The following BTBD9 variants were observed in gnomAD, a reference collection of about 807,000 sequenced individuals.
BTBD9 encodes the protein BTB domain containing 9, also known as BTB/POZ domain-containing protein 9.
In BTBD9, 49 loss-of-function variants were observed where a neutral mutation model predicts 64.3. The ratio of observed to expected loss-of-function variants is 0.76; its 90% CI spans 0.61 to 0.97. The LOEUF is 0.97. Among genes scored for constraint, BTBD9 ranks in the 50% least tolerant of loss-of-function variants. The pLI is 0.00. For missense variants in BTBD9, 598 were observed against 762.1 expected, an observed-to-expected ratio of 0.78 and a Z score of 2.53; for synonymous variants, 260 against 274.7, an observed-to-expected ratio of 0.95 and a Z score of 0.53.
At chr6:38,344,553 T>C (rs1216226401) in intron 7 of BTBD9, among the ~76,000 whole-genome samples, 2 of 152,186 alleles carry the variant, frequency 1.3e-5, no homozygotes, top group African/African-American at 4.8e-5. Flanking sequence ...GAAAAGAAGA[T>C]ACCTCCACAG....
chr6:38,527,792 C>T (rs1773576062), intron 6 of BTBD9, among the ~76,000 whole-genome samples: 1 of 136,068 alleles, frequency 7.3e-6, no homozygotes, highest in African/African-American at 3.3e-5. Context: ...AAGACTCTAT[C>T]ACCATGATTC....
At chr6:38,532,063 C>T (rs544406385) in intron 6 of BTBD9, among the ~76,000 whole-genome samples, 1 of 152,272 alleles carries the variant, frequency 6.6e-6, no homozygotes, top group Admixed American at 6.5e-5. Context: ...GTTGAATTGC[C>T]AACACCACCC....
In BTBD9 at chr6:38,320,276, G is replaced by A. The variant is rs1479491692; in HGVS notation, c.1264+24708C>T. Among the ~76,000 whole-genome samples the A allele has an allele frequency of 2.0e-5, 3 of 152,060 alleles. No individual in the cohort carries two copies. The East Asian group carries it at 5.8e-4, about 29-fold the overall frequency. On this transcript the variant is annotated intron_variant, in intron 7 of 10. Coordinates refer to ENST00000481247, the MANE Select transcript of BTBD9 (RefSeq NM_001099272.2). Reference sequence around the variant, plus strand: ...TCATTCTTACTAAGGTGCTTTTTTGGTAGACACTTGTCAAATTTGGTGTTC... The same window carrying A: ...TCATTCTTACTAAGGTGCTTTTTTGATAGACACTTGTCAAATTTGGTGTTC...
intron 4 of BTBD9, chr6:38,587,961 T>C (rs1438394161): frequency 8.2e-6 from 6 of 733,102 alleles, no homozygotes; most frequent in African/African-American, 5.2e-5. Context: ...TCTGACAGCA[T>C]TGCCGCCTCC....
chr6:38,503,474 A>G (rs937099571), intron 6 of BTBD9, among the ~76,000 whole-genome samples: 1 of 152,002 alleles, frequency 6.6e-6, no homozygotes. Flanking sequence ...ATGCTTCCCC[A>G]ACAGCCCTCT....
At chr6:38,404,775 G>A (rs942231589) in intron 6 of BTBD9, among the ~76,000 whole-genome samples, 21 of 152,180 alleles carry the variant, frequency 1.4e-4, no homozygotes, top group African/African-American at 4.6e-4. Flanking sequence ...GGCCAGCAGA[G>A]GATAAAATTA....
At chr6:38,628,408 T>G (rs750769210) in intron 1 of BTBD9, among the ~76,000 whole-genome samples, 15 of 152,216 alleles carry the variant, frequency 9.9e-5, no homozygotes, top group Non-Finnish European at 1.8e-4. Context: ...GTTAGTGGGT[T>G]TCTTTTTCAC....
rs1282081958 is a variant in BTBD9 at position 38,311,923 on chromosome 6, G to A, written c.1265-23462C>T. On this transcript the variant is annotated intron_variant, in intron 7 of 10. Coordinates refer to ENST00000481247, the MANE Select transcript of BTBD9 (RefSeq NM_001099272.2). ...GTCGCCCAGGCTGGAGTGCGGTGGCGCGATCTCGACTCACTGGAACCTCCA... is the reference window on the plus strand; with the variant it reads ...GTCGCCCAGGCTGGAGTGCGGTGGCACGATCTCGACTCACTGGAACCTCCA... Among the ~76,000 whole-genome samples the A allele has an allele frequency of 4.6e-5, 7 of 151,730 alleles. No homozygotes were observed. In the South Asian group the frequency reaches 8.3e-4, roughly 18 times the overall value.
rs139344215 is a variant in BTBD9, at chr6:38,246,534, C to T, written c.1562+9875G>A. Among the ~76,000 whole-genome samples the T allele has an allele frequency of 2.2e-3, 337 of 151,748 alleles. 3 individuals carry two copies. The highest frequency in any genetic ancestry group is 7.6e-3 in the African/African-American group (313 of 41,396). On this transcript the variant is annotated intron_variant, in intron 9 of 10. Transcript: ENST00000481247. ...TCATTTTTTGAAACCATTCCTCTTA[C>T]AGGTACATGTTTCTTCATTGTTCAA... is the stretch of plus-strand genomic sequence containing the variant.
intron 6 of BTBD9, among the ~76,000 whole-genome samples, chr6:38,418,428 G>A (rs1000400384): frequency 6.6e-6 from 1 of 151,974 alleles, no homozygotes; most frequent in Non-Finnish European, 1.5e-5. Context: ...CCACCAAAGA[G>A]AAAAAAAGGA....
intron 7 of BTBD9, among the ~76,000 whole-genome samples, chr6:38,342,527 C>T (rs1764141914): frequency 7.5e-6 from 1 of 133,860 alleles, no homozygotes. Context: ...CAGAGCGAGA[C>T]TCTGTCTCAA....
chr6:38,543,889 G>A (rs1273323128), intron 6 of BTBD9, among the ~76,000 whole-genome samples: 3 of 151,604 alleles, frequency 2.0e-5, no homozygotes, highest in South Asian at 2.1e-4. Context: ...CCTGGGAGGC[G>A]GAGCTTGCAG....
intron 9 of BTBD9, among the ~76,000 whole-genome samples, chr6:38,233,130 C>T (rs532502865): frequency 2.0e-5 from 3 of 152,244 alleles, no homozygotes; most frequent in East Asian, 3.9e-4. Flanking sequence ...TTCTGCCCTT[C>T]CCTAGTGATA....
intron 6 of BTBD9, among the ~76,000 whole-genome samples, chr6:38,392,746 G>A (rs958759044): frequency 3.3e-5 from 5 of 151,356 alleles, no homozygotes; most frequent in Non-Finnish European, 7.4e-5. Context: ...CCTCTAAGAG[G>A]GAAACTGAAA....
intron 9 of BTBD9, among the ~76,000 whole-genome samples, chr6:38,250,326 G>GA (rs1406791533): frequency 2.0e-5 from 3 of 152,104 alleles, no homozygotes; most frequent in Non-Finnish European, 4.4e-5. Flanking sequence ...TTCTGCAACG[G>GA]AAAAAACTAA....
intron 6 of BTBD9, among the ~76,000 whole-genome samples, chr6:38,362,944 A>T (rs1765024354): frequency 6.6e-6 from 1 of 152,188 alleles, no homozygotes; most frequent in Non-Finnish European, 1.5e-5. Flanking sequence ...AATAGGAGAG[A>T]GTGGCCTGGA....
intron 9 of BTBD9, among the ~76,000 whole-genome samples, chr6:38,203,522 G>T (rs950230985): frequency 6.6e-6 from 1 of 152,156 alleles, no homozygotes; most frequent in South Asian, 2.1e-4. Context: ...GGACGTAAGG[G>T]TAAAGAAAAT....
intron 10 of BTBD9, among the ~76,000 whole-genome samples, chr6:38,189,552 A>G (rs113675410): frequency 6.6e-6 from 1 of 152,086 alleles, no homozygotes; most frequent in African/African-American, 2.4e-5. Flanking sequence ...GTGCAGTGGC[A>G]TAATCATAGC....
intron 8 of BTBD9, among the ~76,000 whole-genome samples, chr6:38,262,170 T>C (rs755918728): frequency 3.8e-4 from 58 of 152,234 alleles, no homozygotes; most frequent in Non-Finnish European, 7.1e-4. Flanking sequence ...TAGCTGGGAA[T>C]GTTTGCATGG....
Sources: gnomAD v4.1 joint callset for allele counts (sites outside exome capture counted in the v4.1 genomes callset) on GRCh38, gnomAD v4.1.1 for gene constraint, MANE v1.5 for transcripts, NCBI Gene and HGNC (gene_info 2026-07-23, HGNC 2026-07-21) for gene names.